The following CAMTA1 variants were observed in gnomAD, a reference collection of about 807,000 sequenced individuals.
The protein encoded by CAMTA1 is calmodulin binding transcription activator 1.
Under a neutral mutation model 170.9 loss-of-function variants are expected in CAMTA1, and 27 were observed. The ratio of observed to expected loss-of-function variants is 0.16; its 90% CI spans 0.12 to 0.22. The LOEUF is 0.22. CAMTA1 is among the 10% of genes least tolerant of loss of function. The pLI, the probability that CAMTA1 is intolerant of heterozygous loss-of-function variation, is 1.00. For synonymous variants in CAMTA1, 833 were observed against 891.5 expected, an observed-to-expected ratio of 0.93 and a Z score of 1.17; for missense variants, 1,619 against 2,217.2, an observed-to-expected ratio of 0.73 and a Z score of 5.42.
intron 3 of CAMTA1, among the ~76,000 whole-genome samples, chr1:6,905,443 C>T (rs1678217926): frequency 6.6e-6 from 1 of 152,112 alleles, no homozygotes; most frequent in South Asian, 2.1e-4. Context: ...GATCCACCTG[C>T]TTCGGCCTCC....
chr1:7,261,804 G>A (rs1668215492), intron 5 of CAMTA1, among the ~76,000 whole-genome samples: 1 of 152,218 alleles, frequency 6.6e-6, no homozygotes, highest in African/African-American at 2.4e-5. Flanking sequence ...TGACATTAAC[G>A]AGGTGTTGGC....
At chr1:7,123,228 A>G (rs1465458628) in intron 4 of CAMTA1, among the ~76,000 whole-genome samples, 3 of 151,822 alleles carry the variant, frequency 2.0e-5, no homozygotes, top group Non-Finnish European at 2.9e-5. Flanking sequence ...GCTCTGTTTC[A>G]TACCTAGCTT....
chr1:6,979,363 C>T (rs954177588), intron 3 of CAMTA1, among the ~76,000 whole-genome samples: 2 of 152,162 alleles, frequency 1.3e-5, no homozygotes, highest in African/African-American at 4.8e-5. Context: ...CAGGGCCATT[C>T]AATTCTGCAT....
intron 3 of CAMTA1, among the ~76,000 whole-genome samples, chr1:6,882,294 C>T (rs1671843615): frequency 6.6e-6 from 1 of 152,170 alleles, no homozygotes; most frequent in Non-Finnish European, 1.5e-5. Context: ...AGCATATGGC[C>T]TGTAGAGGCT....
At chr1:7,717,790 C>G (rs1224347250) in intron 11 of CAMTA1, among the ~76,000 whole-genome samples, 1 of 152,016 alleles carries the variant, frequency 6.6e-6, no homozygotes, top group Non-Finnish European at 1.5e-5. Context: ...CATGAAGGAG[C>G]TGCTTTTAAT....
chr1:7,669,196 G>A (rs1003859051), intron 9 of CAMTA1, among the ~76,000 whole-genome samples: 3 of 152,244 alleles, frequency 2.0e-5, no homozygotes, highest in South Asian at 2.1e-4. Flanking sequence ...CTCTGCTGCC[G>A]TAGCAGTAAA....
At chr1:6,851,433 G>A (rs537113441) in intron 3 of CAMTA1, among the ~76,000 whole-genome samples, 2 of 152,296 alleles carry the variant, frequency 1.3e-5, no homozygotes, top group South Asian at 4.1e-4. Flanking sequence ...TAACCAACAT[G>A]TAATTGAAAT....
intron 3 of CAMTA1, among the ~76,000 whole-genome samples, chr1:6,937,724 CCATCAT>C (rs1195461147): frequency 6.7e-6 from 1 of 149,662 alleles, no homozygotes; most frequent in African/African-American, 2.5e-5. Flanking sequence ...ATCACCATCA[CCATCAT>C]CACAGTCATC....
intron 4 of CAMTA1, among the ~76,000 whole-genome samples, chr1:7,136,609 T>A (rs1645560056): frequency 6.6e-6 from 1 of 152,220 alleles, no homozygotes; most frequent in South Asian, 2.1e-4. Flanking sequence ...CCACATTGTC[T>A]TATTCATTTT....
At chr1:7,245,213 A>G (rs1281098599) in intron 4 of CAMTA1, among the ~76,000 whole-genome samples, 1 of 150,934 alleles carries the variant, frequency 6.6e-6, no homozygotes, top group Admixed American at 6.6e-5. Context: ...ATATATATAT[A>G]TATCACACAC....
chr1:7,327,101 T>C (rs2082729364), intron 5 of CAMTA1, among the ~76,000 whole-genome samples: 1 of 151,754 alleles, frequency 6.6e-6, no homozygotes, highest in South Asian at 2.1e-4. Context: ...GGGGGGAAAG[T>C]CTGTTGGAGT....
intron 3 of CAMTA1, among the ~76,000 whole-genome samples, chr1:6,869,196 G>A (rs1016992541): frequency 3.9e-5 from 6 of 152,154 alleles, no homozygotes; most frequent in Admixed American, 1.3e-4. Context: ...GGAAGAGAGA[G>A]GAAGATGGAT....
chr1:7,361,179 A>G (rs1021594024), intron 5 of CAMTA1, among the ~76,000 whole-genome samples: 3 of 152,242 alleles, frequency 2.0e-5, no homozygotes, highest in African/African-American at 7.2e-5. Context: ...GTGATCCTGC[A>G]TCATGGCAAG....
At chr1:7,244,993 T>A (rs879811345) in intron 4 of CAMTA1, among the ~76,000 whole-genome samples, 1 of 151,992 alleles carries the variant, frequency 6.6e-6, no homozygotes, top group Non-Finnish European at 1.5e-5. Flanking sequence ...AGACATGTTT[T>A]TGCATGAATC....
intron 11 of CAMTA1, among the ~76,000 whole-genome samples, chr1:7,689,584 AAAG>A (rs1215003007): frequency 2.0e-5 from 3 of 152,224 alleles, no homozygotes; most frequent in African/African-American, 7.2e-5. Context: ...CTCAAAAAAA[AAAG>A]AAAAATCAGT....
chr1:7,277,456 GGTGTGTGTGT>G (rs57970990), intron 5 of CAMTA1, among the ~76,000 whole-genome samples: 11 of 135,366 alleles, frequency 8.1e-5, no homozygotes, highest in Admixed American at 2.2e-4. Flanking sequence ...TCCAAGCAAT[GGTGTGTGTGT>G]GTGTGTGTGT....
At chr1:6,812,072 C>T (rs1645231132) in intron 1 of CAMTA1, among the ~76,000 whole-genome samples, 1 of 152,232 alleles carries the variant, frequency 6.6e-6, no homozygotes, top group East Asian at 1.9e-4. Flanking sequence ...GTCTCCCTCC[C>T]AGCTAACCTG....
intron 5 of CAMTA1, among the ~76,000 whole-genome samples, chr1:7,436,760 G>A (rs890003250): frequency 1.9e-4 from 29 of 152,268 alleles, no homozygotes; most frequent in Admixed American, 1.7e-3. Flanking sequence ...GTAGTCCCTC[G>A]CCTCTGTACC....
At chr1:7,334,758 C>G (rs6691196) in intron 5 of CAMTA1, among the ~76,000 whole-genome samples, 27,009 of 152,088 alleles carry the variant, frequency 0.18, 3,077 homozygotes, top group African/African-American at 0.33. Context: ...TGAGGCCTTC[C>G]GGTCGCCTTT....
Sources: gnomAD v4.1 joint callset for allele counts (sites outside exome capture counted in the v4.1 genomes callset) on GRCh38, gnomAD v4.1.1 for gene constraint, MANE v1.5 for transcripts, NCBI Gene and HGNC (gene_info 2026-07-23, HGNC 2026-07-21) for gene names.